SLC35F1: variants seen among roughly 807,000 people sequenced by gnomAD.
SLC35F1 encodes solute carrier family 35 member F1, also known as chromosome 6 open reading frame 169.
In SLC35F1, 14 loss-of-function variants were observed where a neutral mutation model predicts 48.7. The observed-to-expected ratio is 0.29, with a 90% CI of 0.19 to 0.45. The LOEUF (loss-of-function observed/expected upper bound fraction) is 0.45, where lower values mean the gene tolerates loss of function less well. SLC35F1 is among the 20% of genes least tolerant of loss of function. The pLI, the probability that SLC35F1 is intolerant of heterozygous loss-of-function variation, is 1.00. For synonymous variants in SLC35F1, 190 were observed against 202.2 expected, an observed-to-expected ratio of 0.94 and a Z score of 0.51; for missense variants, 404 against 500.0, an observed-to-expected ratio of 0.81 and a Z score of 1.83.
At chr6:118,170,552 G>T (rs1562313879) in intron 2 of SLC35F1, among the ~76,000 whole-genome samples, 1 of 152,022 alleles carries the variant, frequency 6.6e-6, no homozygotes, top group African/African-American at 2.4e-5. Context: ...CCTTTCTTCT[G>T]CCTCAGCCTC....
intron 1 of SLC35F1, among the ~76,000 whole-genome samples, chr6:118,024,174 A>T (rs73766413): frequency 6.6e-6 from 1 of 152,134 alleles, no homozygotes; most frequent in Non-Finnish European, 1.5e-5. Context: ...ATTTGTTCCA[A>T]ATCAGTTAGC....
chr6:118,254,638 TA>T (rs1562340702), intron 3 of SLC35F1, among the ~76,000 whole-genome samples: 1 of 152,212 alleles, frequency 6.6e-6, no homozygotes, highest in Non-Finnish European at 1.5e-5. Flanking sequence ...CCAAAAAGTA[TA>T]AGATGCTTTC....
intron 1 of SLC35F1, among the ~76,000 whole-genome samples, chr6:117,910,658 C>T (rs1775750261): frequency 6.6e-6 from 1 of 152,210 alleles, no homozygotes. Flanking sequence ...GGGCTAGTCT[C>T]TTCAGTGACT....
chr6:118,160,760 A>G (rs968019666), intron 2 of SLC35F1, among the ~76,000 whole-genome samples: 1 of 152,180 alleles, frequency 6.6e-6, no homozygotes, highest in Non-Finnish European at 1.5e-5. Context: ...CAGAAGAGAT[A>G]AGAGAAATAT....
intron 1 of SLC35F1, among the ~76,000 whole-genome samples, chr6:117,966,592 G>A (rs921747370): frequency 2.0e-5 from 3 of 152,096 alleles, no homozygotes; most frequent in African/African-American, 4.8e-5. Context: ...CACTCACCAC[G>A]AGGGTCCGTG....
chr6:118,180,271 G>A (rs1202254187), intron 2 of SLC35F1, among the ~76,000 whole-genome samples: 2 of 152,000 alleles, frequency 1.3e-5, no homozygotes, highest in African/African-American at 4.8e-5. Flanking sequence ...TTTTAAAATA[G>A]GATCTCAAAG....
chr6:118,236,112 T>C (rs1414241718), intron 3 of SLC35F1, among the ~76,000 whole-genome samples: 5 of 152,196 alleles, frequency 3.3e-5, no homozygotes. Context: ...TTTTTTAATG[T>C]GTAGAATTTG....
intron 1 of SLC35F1, among the ~76,000 whole-genome samples, chr6:118,061,269 G>A (rs1772532510): frequency 1.3e-5 from 2 of 152,212 alleles, no homozygotes; most frequent in African/African-American, 4.8e-5. Flanking sequence ...ATAGCAATTA[G>A]ATTTAATGAA....
chr6:118,052,286 A>G (rs1772402781), intron 1 of SLC35F1, among the ~76,000 whole-genome samples: 1 of 152,168 alleles, frequency 6.6e-6, no homozygotes, highest in South Asian at 2.1e-4. Context: ...TTCACATACA[A>G]TCTCAAACCA....
chr6:118,262,203 G>A (rs1344581825), intron 3 of SLC35F1, among the ~76,000 whole-genome samples: 2 of 152,088 alleles, frequency 1.3e-5, no homozygotes, highest in Non-Finnish European at 2.9e-5. Flanking sequence ...GGTGTCTAAA[G>A]CCAGGTTAAG....
At chr6:118,259,807 T>G (rs1775689886) in intron 3 of SLC35F1, among the ~76,000 whole-genome samples, 1 of 152,044 alleles carries the variant, frequency 6.6e-6, no homozygotes, top group African/African-American at 2.4e-5. Flanking sequence ...TGGAAAAGAG[T>G]TTAGCAATTC....
intron 1 of SLC35F1, among the ~76,000 whole-genome samples, chr6:118,105,942 G>A (rs1358087056): frequency 1.3e-5 from 2 of 152,086 alleles, no homozygotes; most frequent in East Asian, 3.9e-4. Flanking sequence ...CAACTTTCCT[G>A]CTTTTTTCTA....
In SLC35F1 at chr6:118,315,730, C is replaced by CAT. The variant is rs1562122633; in HGVS notation, c.*1478_*1479insAT. On this transcript the variant is annotated 3_prime_UTR_variant, in exon 8 of 8. Coordinates refer to ENST00000360388, the MANE Select transcript of SLC35F1 (RefSeq NM_001029858.4). ...CTGGGATTACAGGCGTGAGCCACTGCGCCCGGCCGACACGACATTCTTATG... is the reference window on the plus strand; with the variant it reads ...CTGGGATTACAGGCGTGAGCCACTGCATGCCCGGCCGACACGACATTCTTATG... The CAT allele has an allele frequency of 6.6e-6, 1 of 152,288 alleles. No individual in the cohort carries two copies. The highest frequency in any genetic ancestry group is 2.4e-5 in the African/African-American group (1 of 41,408). The allele number at this position is 152,288 out of a possible 1,614,324, so 9.4% of individuals were successfully genotyped here.
intron 1 of SLC35F1, among the ~76,000 whole-genome samples, chr6:118,065,963 G>T (rs1772607942): frequency 2.0e-5 from 3 of 151,792 alleles, no homozygotes; most frequent in Non-Finnish European, 2.9e-5. Flanking sequence ...ATATCTTATA[G>T]ACAAGTGGCT....
intron 7 of SLC35F1, among the ~76,000 whole-genome samples, chr6:118,297,089 T>C (rs445099): frequency 0.56 from 84,447 of 152,002 alleles, 24,123 homozygotes; most frequent in African/African-American, 0.68. Flanking sequence ...CAACTCTATA[T>C]TTAAAGTGTT....
In SLC35F1 at chr6:117,907,619, C is replaced by T; in HGVS notation, c.-108C>T. ...CCGCTTCGCAGGCAGCACCGCCTCC[C>T]GGGCCGCGGCCGCCCGGCCGGGTCC... On this transcript the variant is annotated 5_prime_UTR_variant, in exon 1 of 8. Coordinates refer to ENST00000360388, the MANE Select transcript of SLC35F1 (RefSeq NM_001029858.4). 1.7e-6 allele frequency: 1 copy of T among 586,674 alleles called. No homozygotes were observed. Among genetic ancestry groups the T allele is most frequent in the Non-Finnish European group, 2.6e-6 (1 of 382,086 alleles). The allele number at this position is 586,674 out of a possible 1,614,324, so 36.3% of individuals were successfully genotyped here.
chr6:118,176,178 G>C lies in SLC35F1; in HGVS notation c.349+21558G>C, dbSNP rs1461677968. On this transcript the variant is annotated intron_variant, in intron 2 of 7. Coordinates refer to ENST00000360388, the MANE Select transcript of SLC35F1 (RefSeq NM_001029858.4). ...GGAATATTGAACTGTTCTTTTATTAGATAGTCACTGAAATGTTTAGAGGCA... is the reference window on the plus strand; with the variant it reads ...GGAATATTGAACTGTTCTTTTATTACATAGTCACTGAAATGTTTAGAGGCA... Among the ~76,000 whole-genome samples, 9 of 152,068 alleles carry C rather than the reference G, an allele frequency of 5.9e-5. No individual in the cohort carries two copies. In the East Asian group the frequency reaches 1.5e-3, roughly 26 times the overall value.
chr6:117,943,833 C>T (rs919274713), intron 1 of SLC35F1, among the ~76,000 whole-genome samples: 12 of 152,168 alleles, frequency 7.9e-5, no homozygotes, highest in Admixed American at 2.0e-4. Context: ...TTTATCATTA[C>T]ATCTGGCTTT....
At chr6:118,154,302 G>C (rs1774107394) in intron 1 of SLC35F1, 143 bp from the exon 2 acceptor site, 1 of 652,142 alleles carries the variant, frequency 1.5e-6, no homozygotes, top group Non-Finnish European at 2.5e-6. Context: ...TTCCTCGAGG[G>C]ATTGCTTTGA....
Sources: allele counts gnomAD v4.1 joint callset (sites outside exome capture counted in the v4.1 genomes callset), GRCh38; gene constraint gnomAD v4.1.1; transcripts MANE v1.5; gene names NCBI Gene and HGNC (gene_info 2026-07-23, HGNC 2026-07-21).